CFAP54: variants seen among roughly 807,000 people sequenced by gnomAD.
CFAP54 encodes the protein cilia and flagella associated protein 54, also known as cilia- and flagella-associated protein 54.
A neutral mutation model predicts 370.4 loss-of-function variants in CFAP54; 290 were observed. The observed-to-expected ratio is 0.78, with a 90% CI of 0.71 to 0.86. The LOEUF is 0.86. Among genes scored for constraint, CFAP54 ranks in the 40% least tolerant of loss-of-function variants. The pLI is 0.00. For missense variants in CFAP54, 3,399 were observed against 3,528.7 expected, an observed-to-expected ratio of 0.96 and a Z score of 0.93; for synonymous variants, 1,206 against 1,236.5, an observed-to-expected ratio of 0.98 and a Z score of 0.52.
At chr12:96,493,078 A>G (rs922824911) in intron 1 of CFAP54, among the ~76,000 whole-genome samples, 3 of 152,210 alleles carry the variant, frequency 2.0e-5, no homozygotes, top group Non-Finnish European at 2.9e-5. Flanking sequence ...GGGCCAGTCT[A>G]TAAGTACAGA....
At chr12:96,833,507 CGTGTGTGTGTGTGTGT>C (rs34316003) in intron 66 of CFAP54, among the ~76,000 whole-genome samples, 37 of 144,056 alleles carry the variant, frequency 2.6e-4, no homozygotes, top group Non-Finnish European at 4.5e-4. Flanking sequence ...CACACGCGTA[CGTGTGTGTGTGTGTGT>C]GTGTGTGTGT....
At chr12:96,761,611 T>A (rs1448914012) in intron 58 of CFAP54, among the ~76,000 whole-genome samples, 1 of 152,214 alleles carries the variant, frequency 6.6e-6, no homozygotes, top group Non-Finnish European at 1.5e-5. Context: ...GTTGTATAGT[T>A]TTAACTTTTA....
intron 43 of CFAP54, among the ~76,000 whole-genome samples, chr12:96,689,852 C>T (rs1181160716): frequency 1.3e-5 from 2 of 152,120 alleles, no homozygotes; most frequent in African/African-American, 4.8e-5. Context: ...AGGATGGGCA[C>T]TCTTGTTCTG....
chr12:96,585,039 CT>C (rs11284282), intron 22 of CFAP54, among the ~76,000 whole-genome samples: 113,202 of 146,924 alleles, frequency 0.77, 43,675 homozygotes, highest in Middle Eastern at 0.82. Flanking sequence ...CTCTCTCTCT[CT>C]TTTTTTTTTT....
chr12:96,551,938 AGTACT>A (rs1229291766), intron 15 of CFAP54, among the ~76,000 whole-genome samples: 15 of 152,198 alleles, frequency 9.9e-5, no homozygotes, highest in African/African-American at 3.6e-4. Context: ...AAAAGGTGTA[AGTACT>A]GTAAAGAAAG....
At chr12:96,660,202 A>G (rs1033427342) in intron 38 of CFAP54, among the ~76,000 whole-genome samples, 1 of 152,124 alleles carries the variant, frequency 6.6e-6, no homozygotes, top group Non-Finnish European at 1.5e-5. Flanking sequence ...CCCAAGAGAA[A>G]AAGAATGGCC....
chr12:96,831,139 TCAG>T (rs1335782095), intron 66 of CFAP54, among the ~76,000 whole-genome samples: 1 of 152,224 alleles, frequency 6.6e-6, no homozygotes, highest in African/African-American at 2.4e-5. Flanking sequence ...ATTCATTTAG[TCAG>T]CTGACAGATG....
At chr12:96,731,126 C>T (rs191609381) in intron 50 of CFAP54, among the ~76,000 whole-genome samples, 18 of 152,254 alleles carry the variant, frequency 1.2e-4, no homozygotes, top group African/African-American at 2.4e-4. Flanking sequence ...AGACTTCTGG[C>T]GCCTCACCAT....
chr12:96,641,319 A>C, intron 32 of CFAP54, among the ~76,000 whole-genome samples: 1 of 152,380 alleles, frequency 6.6e-6, no homozygotes, highest in Admixed American at 6.5e-5. Context: ...CAAAAGACAC[A>C]TGAAAAAATG....
intron 17 of CFAP54, 131 bp from the exon 18 acceptor site, chr12:96,564,337 T>C: frequency 2.0e-6 from 1 of 491,888 alleles, no homozygotes; most frequent in Non-Finnish European, 3.5e-6. Context: ...TATGAATTTT[T>C]ATCTATTAAT....
intron 12 of CFAP54, among the ~76,000 whole-genome samples, chr12:96,537,768 C>T (rs77887055): frequency 3.3e-5 from 5 of 151,804 alleles, no homozygotes; most frequent in Admixed American, 6.6e-5. Context: ...TTTAGAGAGG[C>T]GGAAGAGCAT....
chr12:96,653,611 G>A (rs573112327), intron 36 of CFAP54, among the ~76,000 whole-genome samples: 2 of 152,126 alleles, frequency 1.3e-5, no homozygotes, highest in East Asian at 3.9e-4. Flanking sequence ...TTCAAATGAA[G>A]CAGGGCATAG....
intron 20 of CFAP54, among the ~76,000 whole-genome samples, chr12:96,579,943 T>C (rs955390339): frequency 6.6e-6 from 1 of 151,802 alleles, no homozygotes; most frequent in Non-Finnish European, 1.5e-5. Context: ...AGAAAATGTA[T>C]AAATTGGAGA....
intron 67 of CFAP54, among the ~76,000 whole-genome samples, chr12:96,867,744 C>T (rs1960041908): frequency 6.6e-6 from 1 of 152,046 alleles, no homozygotes; most frequent in South Asian, 2.1e-4. Context: ...TTACCAGGGA[C>T]TAGAGGAGGG....
At chr12:96,675,733 A>G (rs903104547) in intron 39 of CFAP54, among the ~76,000 whole-genome samples, 4 of 152,312 alleles carry the variant, frequency 2.6e-5, no homozygotes, top group African/African-American at 7.2e-5. Context: ...TGTGGCACAT[A>G]TACACCATGG....
At chr12:96,775,774 G>A (rs750421228) in intron 60 of CFAP54, among the ~76,000 whole-genome samples, 22 of 151,962 alleles carry the variant, frequency 1.4e-4, no homozygotes, top group African/African-American at 2.2e-4. Context: ...TAAAGGTCCC[G>A]CTTTTGTTTC....
intron 23 of CFAP54, among the ~76,000 whole-genome samples, chr12:96,591,754 G>A (rs1956126716): frequency 2.0e-5 from 3 of 150,928 alleles, no homozygotes; most frequent in Admixed American, 2.0e-4. Flanking sequence ...AGCCGGGCAT[G>A]GTGGCGCGTG....
At chr12:96,675,944 G>A (rs554294937) in intron 39 of CFAP54, among the ~76,000 whole-genome samples, 2 of 151,872 alleles carry the variant, frequency 1.3e-5, no homozygotes, top group East Asian at 3.9e-4. Context: ...GTTTTGGGGT[G>A]GGGGGCAGGG....
At chr12:96,741,523 C>A (rs1383653533) in intron 51 of CFAP54, among the ~76,000 whole-genome samples, 1 of 152,120 alleles carries the variant, frequency 6.6e-6, no homozygotes, top group African/African-American at 2.4e-5. Flanking sequence ...GTACTACCCA[C>A]CTGCATTTGA....
Sources: allele counts gnomAD v4.1 joint callset (sites outside exome capture counted in the v4.1 genomes callset), GRCh38; gene constraint gnomAD v4.1.1; transcripts MANE v1.5; gene names NCBI Gene and HGNC (gene_info 2026-07-23, HGNC 2026-07-21).